Variants in GAD1 observed in about 807,000 individuals in gnomAD.
The protein encoded by GAD1 is glutamate decarboxylase 1.
A neutral mutation model predicts 75.2 loss-of-function variants in GAD1; 35 were observed. The ratio of observed to expected loss-of-function variants is 0.47; its 90% CI spans 0.36 to 0.62. GAD1 has a LOEUF of 0.62. Among genes scored for constraint, GAD1 ranks in the 20% least tolerant of loss-of-function variants. GAD1 has a pLI of 0.00. For synonymous variants in GAD1, 257 were observed against 271.9 expected, an observed-to-expected ratio of 0.95 and a Z score of 0.54; for missense variants, 490 against 758.5, an observed-to-expected ratio of 0.65 and a Z score of 4.16.
chr2:170,839,397 C>A (rs1702450338), intron 6 of GAD1, among the ~76,000 whole-genome samples: 1 of 152,048 alleles, frequency 6.6e-6, no homozygotes, highest in Non-Finnish European at 1.5e-5. Flanking sequence ...GATGGGTCAC[C>A]TAAAATGGGA....
chr2:170,822,893 G>A (rs192898252), intron 3 of GAD1, among the ~76,000 whole-genome samples: 261 of 152,322 alleles, frequency 1.7e-3, no homozygotes, highest in African/African-American at 6.0e-3. Flanking sequence ...CGAAAGAACC[G>A]GGAAGGAAGA....
chr2:170,845,212 G>T, intron 7 of GAD1: 1 of 472,478 alleles, frequency 2.1e-6, no homozygotes, highest in Admixed American at 3.3e-5. Context: ...AGCCACTGAT[G>T]CAGCTACCTC....
In GAD1 at chr2:170,818,371, C is replaced by G; in HGVS notation, c.-63-158C>G. 1 of 598,132 alleles carries G rather than the reference C, an allele frequency of 1.7e-6. No homozygotes were observed. The highest frequency in any genetic ancestry group is 3.0e-6 in the Non-Finnish European group (1 of 332,448). The allele number at this position is 598,132 out of a possible 1,614,324, so 37.1% of individuals were successfully genotyped here. A position where few individuals can be genotyped will look rare whatever the true frequency, so the allele number is the denominator to read the frequency against. ...GCACGTCTCCTCCGCTGCCCCCACC[C>G]CTGCGCACCCCTACCAGGCAGGCTC... On this transcript the variant is annotated intron_variant, in intron 1 of 16. Coordinates refer to ENST00000358196, the MANE Select transcript of GAD1 (RefSeq NM_000817.3). The surrounding 1 kb of genome is among the most constrained non-coding windows in gnomAD (Gnocchi z 5.9).
chr2:170,857,132 AAT>A lies in GAD1; in HGVS notation c.1521+8_1521+9del, dbSNP rs1404452169. 6.2e-7 allele frequency: 1 copy of A among 1,600,992 alleles called. No homozygotes were observed. Among genetic ancestry groups the A allele is most frequent in the Non-Finnish European group, 8.6e-7 (1 of 1,168,262 alleles). ...GATGGTTTTCAATGGCGAGGTAGGT[AAT>A]CATCATGGACCAGGTACACAGTATT... On this transcript the variant is annotated splice_region_variant and intron_variant, in intron 15 of 16. Coordinates refer to ENST00000358196, the MANE Select transcript of GAD1 (RefSeq NM_000817.3).
chr2:170,840,886 G>C (rs1702502426), intron 6 of GAD1, among the ~76,000 whole-genome samples: 1 of 152,122 alleles, frequency 6.6e-6, no homozygotes, highest in African/African-American at 2.4e-5. Flanking sequence ...ATTGATATGG[G>C]TAGCAACAAG....
chr2:170,829,904 T>C, intron 4 of GAD1: 1 of 457,668 alleles, frequency 2.2e-6, no homozygotes, highest in Non-Finnish European at 4.0e-6. Context: ...TCATAGACTC[T>C]CAGAGTCAAA....
Position 170,845,764 on chromosome 2 carries a change from T to C in GAD1, c.926T>C (p.Ile309Thr). 1 of 1,614,164 alleles carries C rather than the reference T, an allele frequency of 6.2e-7. No homozygotes were observed. The highest frequency in any genetic ancestry group is 8.5e-7 in the Non-Finnish European group (1 of 1,180,008). Residue 309 changes from isoleucine to threonine, a missense_variant, in exon 9 of 17, where the codon ATT (isoleucine) becomes ACT (threonine). Physicochemically the swap from Ile to Thr is moderately conservative, Grantham distance 89. Transcript: ENST00000358196. ...AALGFGTDNV[I>T]LIKCNERGKI... The stretch of plus-strand genomic sequence containing the variant: ...CTTGGCTTTGGAACTGACAATGTGA[T>C]TTTGATAAAGTGCAATGAAAGGTAG...
Position 170,850,409 on chromosome 2 carries a change from G to A in GAD1, c.1184+1059G>A, listed in dbSNP as rs1702722796. ...AAAGGGAGACAGGAAGCAAGGATAT[G>A]AGGAACAGTATTCTAGGCAGTGCGA... On this transcript the variant is annotated intron_variant, in intron 12 of 16. Transcript: ENST00000358196. 4.6e-5 allele frequency among the ~76,000 whole-genome samples: 7 copies of A among 152,314 alleles called. No homozygotes were observed. The South Asian group carries it at 1.5e-3, about 32-fold the overall frequency.
intron 3 of GAD1, among the ~76,000 whole-genome samples, chr2:170,826,544 G>A (rs1702029126): frequency 6.7e-6 from 1 of 148,762 alleles, no homozygotes; most frequent in African/African-American, 2.5e-5. Context: ...CTCCAGCCTG[G>A]GTGACAGAGC....
At chr2:170,825,074 C>G (rs539239014) in intron 3 of GAD1, among the ~76,000 whole-genome samples, 8 of 152,156 alleles carry the variant, frequency 5.3e-5, no homozygotes, top group African/African-American at 1.2e-4. Flanking sequence ...GGAAACATGG[C>G]AGGTGCTGTT....
intron 3 of GAD1, among the ~76,000 whole-genome samples, chr2:170,825,551 A>G (rs1702003365): frequency 6.6e-6 from 1 of 152,214 alleles, no homozygotes; most frequent in South Asian, 2.1e-4. Flanking sequence ...CCCACTTGGC[A>G]ACAACTGGCT....
At chr2:170,816,448 C>G (rs924914993), upstream of GAD1, 8 of 152,122 alleles carry the variant, frequency 5.3e-5, no homozygotes, top group East Asian at 7.7e-4. Context: ...TGGGGGAACC[C>G]CGGGGAAAAG....
chr2:170,837,650 G>A (rs1465877354), intron 6 of GAD1, among the ~76,000 whole-genome samples: 1 of 152,166 alleles, frequency 6.6e-6, no homozygotes, highest in Non-Finnish European at 1.5e-5. Flanking sequence ...TGTTTTACCA[G>A]TATCTATACA....
intron 11 of GAD1, chr2:170,848,539 A>C: frequency 5.4e-6 from 2 of 373,560 alleles, no homozygotes; most frequent in South Asian, 4.3e-5. Context: ...TATCTGCTAC[A>C]TTTAGGAAAA....
chr2:170,830,978 G>C lies in GAD1; in HGVS notation c.333G>C (p.Glu111Asp). 6.2e-7 allele frequency: 1 copy of C among 1,614,172 alleles called. No homozygotes were observed. The highest frequency in any genetic ancestry group is 8.5e-7 in the Non-Finnish European group (1 of 1,180,042). Reference protein sequence around the residue: ...RDLLPAKNGEEQTVQFLLEVV... With the variant: ...RDLLPAKNGEDQTVQFLLEVV... ...TGCTTCCGGCTAAGAACGGTGAGGA[G>C]CAAACCGTGCAATTCCTCCTGGAAG... is the stretch of plus-strand genomic sequence containing the variant. The change falls in exon 5 of 17, where the codon GAG (glutamate) becomes GAC (aspartate). Residue 111 changes from glutamate (E) to aspartate (D), a missense_variant. Transcript: ENST00000358196.
At chr2:170,820,899 T>C (rs918351439) in intron 2 of GAD1, among the ~76,000 whole-genome samples, 2 of 152,244 alleles carry the variant, frequency 1.3e-5, no homozygotes, top group African/African-American at 4.8e-5. Context: ...TGAGATGATG[T>C]TGAAAGTGAA....
chr2:170,828,494 TGTCCTTGATCTCCTCCCTCTGC>T (rs1702102255), intron 3 of GAD1, among the ~76,000 whole-genome samples: 3 of 134,112 alleles, frequency 2.2e-5, no homozygotes, highest in African/African-American at 8.5e-5. Flanking sequence ...CTCCCTCTGC[TGTCCTTGATCTCCTCCCTCTGC>T]TGTCCTTGCT....
intron 14 of GAD1, among the ~76,000 whole-genome samples, chr2:170,856,331 C>G (rs1230583720): frequency 2.6e-5 from 4 of 152,224 alleles, no homozygotes; most frequent in Admixed American, 2.6e-4. Context: ...ATACTGAGAC[C>G]AATGGCTTCC....
chr2:170,848,455 C>A (rs1702680598), intron 11 of GAD1, among the ~76,000 whole-genome samples: 1 of 150,116 alleles, frequency 6.7e-6, no homozygotes, highest in African/African-American at 2.5e-5. Context: ...TGGGATCACG[C>A]CACATCACTC....
Sources: gnomAD v4.1 joint callset for allele counts (sites outside exome capture counted in the v4.1 genomes callset) on GRCh38, gnomAD v4.1.1 for gene constraint, Gnocchi (gnomAD v3.1) non-coding constraint, MANE v1.5 for transcripts, NCBI Gene and HGNC (gene_info 2026-07-23, HGNC 2026-07-21) for gene names.